The following SLC44A5 variants were observed in gnomAD, a reference collection of about 807,000 sequenced individuals.
SLC44A5 encodes choline transporter-like protein 5.
In SLC44A5, 57 loss-of-function variants were observed where a neutral mutation model predicts 101.8. That is an observed-to-expected ratio of 0.56 (90% CI 0.45 to 0.70). The LOEUF (loss-of-function observed/expected upper bound fraction) is 0.70, where lower values mean the gene tolerates loss of function less well. Ranked by LOEUF, SLC44A5 falls within the 30% of genes least tolerant of loss-of-function variation. SLC44A5 has a pLI of 0.00. For synonymous variants in SLC44A5, 281 were observed against 290.9 expected, an observed-to-expected ratio of 0.97 and a Z score of 0.35; for missense variants, 737 against 853.1, an observed-to-expected ratio of 0.86 and a Z score of 1.70.
At chr1:75,656,012 GA>G in the SLC44A5 span, among the ~76,000 whole-genome samples, 1 of 151,948 alleles carries the variant, frequency 6.6e-6, no homozygotes, top group African/African-American at 2.4e-5. Context: ...AGCAGCAAGA[GA>G]AAAAAAGCAA....
chr1:75,318,709 C>T (rs1466067723), intron 4 of SLC44A5, among the ~76,000 whole-genome samples: 1 of 152,104 alleles, frequency 6.6e-6, no homozygotes, highest in Admixed American at 6.6e-5. Flanking sequence ...GGAAGCATTA[C>T]CCTTGGATAG....
At chr1:75,570,029 C>A (rs760472759) in intron 1 of SLC44A5, among the ~76,000 whole-genome samples, 6 of 152,108 alleles carry the variant, frequency 3.9e-5, no homozygotes, top group Admixed American at 2.6e-4. Flanking sequence ...AAAGTTATCC[C>A]AACAGAAGGA....
intron 2 of SLC44A5, among the ~76,000 whole-genome samples, chr1:75,503,105 T>A (rs1669056215): frequency 6.6e-6 from 1 of 152,166 alleles, no homozygotes; most frequent in Non-Finnish European, 1.5e-5. Context: ...GCCACAGGAA[T>A]CTTTACAAAA....
chr1:75,506,917 T>TC, intron 2 of SLC44A5, among the ~76,000 whole-genome samples: 1 of 137,172 alleles, frequency 7.3e-6, no homozygotes, highest in East Asian at 2.0e-4. Flanking sequence ...CTTTTTTTTT[T>TC]TTTTTTTTTT....
At chr1:75,708,335 A>C in the SLC44A5 span, among the ~76,000 whole-genome samples, 6 of 136,004 alleles carry the variant, frequency 4.4e-5, no homozygotes, top group Admixed American at 1.8e-4. Flanking sequence ...AATCGCTTGA[A>C]CCCATGAGGT....
intron 2 of SLC44A5, among the ~76,000 whole-genome samples, chr1:75,413,878 G>A (rs1041293918): frequency 3.3e-5 from 5 of 152,158 alleles, no homozygotes; most frequent in Non-Finnish European, 7.3e-5. Flanking sequence ...CACATGAAGT[G>A]AAAGCTATAT....
intron 2 of SLC44A5, among the ~76,000 whole-genome samples, chr1:75,536,600 C>CAAAAAAAAAAAAAAAAAAAAAAAAAAA: frequency 3.1e-5 from 1 of 32,342 alleles, no homozygotes; most frequent in Middle Eastern, 0.017. Context: ...GACTCCATCT[C>CAAAAAAAAAAAAAAAAAAAAAAAAAAA]AAAAAAAAAA....
intron 2 of SLC44A5, among the ~76,000 whole-genome samples, chr1:75,417,131 C>T (rs1663703035): frequency 6.6e-6 from 1 of 152,154 alleles, no homozygotes; most frequent in African/African-American, 2.4e-5. Flanking sequence ...CATCTTGTAG[C>T]TCCTATAATT....
At chr1:75,331,659 C>T (rs1225969100) in intron 4 of SLC44A5, among the ~76,000 whole-genome samples, 1 of 152,110 alleles carries the variant, frequency 6.6e-6, no homozygotes, top group African/African-American at 2.4e-5. Context: ...ATGACTTTTC[C>T]ACTGCACTCA....
chr1:75,233,190 A>AT (rs1324440441), intron 12 of SLC44A5, among the ~76,000 whole-genome samples: 6 of 152,140 alleles, frequency 3.9e-5, no homozygotes, highest in Admixed American at 3.9e-4. Flanking sequence ...TTGTGATTAG[A>AT]TTTCAACCTT....
chr1:75,220,613 T>A (rs2100504321), intron 14 of SLC44A5, among the ~76,000 whole-genome samples: 1 of 152,256 alleles, frequency 6.6e-6, no homozygotes, highest in East Asian at 1.9e-4. Context: ...AGGATAATAA[T>A]TTCTTTGATA....
the SLC44A5 span, among the ~76,000 whole-genome samples, chr1:75,679,002 C>A: frequency 2.6e-5 from 4 of 151,958 alleles, no homozygotes; most frequent in African/African-American, 7.3e-5. Flanking sequence ...AACTGGAAGA[C>A]AGGGTATCAG....
At chr1:75,406,731 G>A (rs11163346) in intron 2 of SLC44A5, among the ~76,000 whole-genome samples, 26,229 of 151,996 alleles carry the variant, frequency 0.17, 3,847 homozygotes, top group East Asian at 0.81. Flanking sequence ...AGCTATTTAC[G>A]ACAAACCCAC....
chr1:75,632,383 T>A, the SLC44A5 span, among the ~76,000 whole-genome samples: 4 of 99,314 alleles, frequency 4.0e-5, no homozygotes, highest in East Asian at 1.4e-3. Context: ...AGCTACTTCT[T>A]TTTTTTTTTG....
Position 75,259,927 on chromosome 1 carries a change from A to T in SLC44A5, c.261-8633T>A, listed in dbSNP as rs536467734. ...AACCCAGAATTTCATATCCAGCCAAACTAAGCTTCATAAGTGAAGGAGAAA... is the reference window on the plus strand; with the variant it reads ...AACCCAGAATTTCATATCCAGCCAATCTAAGCTTCATAAGTGAAGGAGAAA... On this transcript the variant is annotated intron_variant, in intron 6 of 23. Coordinates refer to ENST00000370859, the MANE Select transcript of SLC44A5 (RefSeq NM_001130058.2). 6.6e-5 allele frequency among the ~76,000 whole-genome samples: 10 copies of T among 152,270 alleles called. No individual in the cohort carries two copies. The South Asian group carries it at 2.1e-3, about 32-fold the overall frequency.
At chr1:75,561,334 T>A (rs1369208186) in intron 1 of SLC44A5, among the ~76,000 whole-genome samples, 1 of 152,164 alleles carries the variant, frequency 6.6e-6, no homozygotes, top group Non-Finnish European at 1.5e-5. Flanking sequence ...AAGGTAGTTG[T>A]TTTTTCAAAT....
At chr1:75,338,808 G>A (rs1419177342) in intron 4 of SLC44A5, among the ~76,000 whole-genome samples, 5 of 152,138 alleles carry the variant, frequency 3.3e-5, no homozygotes, top group African/African-American at 4.8e-5. Context: ...TGGTTGGCAC[G>A]TGCAAATGAG....
chr1:75,685,159 G>A, the SLC44A5 span, among the ~76,000 whole-genome samples: 2 of 152,170 alleles, frequency 1.3e-5, no homozygotes, highest in South Asian at 4.1e-4. Flanking sequence ...AGGGATGCAG[G>A]GCACCAAGTC....
the SLC44A5 span, among the ~76,000 whole-genome samples, chr1:75,683,685 A>G: frequency 1.3e-5 from 2 of 152,120 alleles, no homozygotes; most frequent in African/African-American, 4.8e-5. Context: ...GCAGCGCACC[A>G]GCATGGCACA....
Sources: allele counts gnomAD v4.1 joint callset (sites outside exome capture counted in the v4.1 genomes callset), GRCh38; gene constraint gnomAD v4.1.1; transcripts MANE v1.5; gene names NCBI Gene and HGNC (gene_info 2026-07-23, HGNC 2026-07-21).